The following CARMIL1 variants were observed in gnomAD, a reference collection of about 807,000 sequenced individuals.
The protein encoded by CARMIL1 is capping protein regulator and myosin 1 linker 1.
Under a neutral mutation model 177.1 loss-of-function variants are expected in CARMIL1, and 90 were observed. The ratio of observed to expected loss-of-function variants is 0.51; its 90% CI spans 0.43 to 0.61. CARMIL1 has a LOEUF of 0.61. CARMIL1 is among the 20% of genes least tolerant of loss of function. The pLI is 0.00. For synonymous variants in CARMIL1, 577 were observed against 606.2 expected, an observed-to-expected ratio of 0.95 and a Z score of 0.71; for missense variants, 1,380 against 1,667.0, an observed-to-expected ratio of 0.83 and a Z score of 3.00.
rs139889364 is a variant in CARMIL1, at chr6:25,487,924, C to T, written c.962-558C>T. Among the ~76,000 whole-genome samples, 5 of 152,248 alleles carry T rather than the reference C, an allele frequency of 3.3e-5. No individual in the cohort carries two copies. In the East Asian group the frequency reaches 9.6e-4, roughly 29 times the overall value. On this transcript the variant is annotated intron_variant, in intron 12 of 36. Transcript: ENST00000329474. Reference sequence around the variant, plus strand: ...AAGAGTGTATAGAGTGCTAATTATACATTTTTCCTTATGATTGCATCTTAC... The same window carrying T: ...AAGAGTGTATAGAGTGCTAATTATATATTTTTCCTTATGATTGCATCTTAC...
intron 2 of CARMIL1, among the ~76,000 whole-genome samples, chr6:25,350,143 G>A (rs150560961): frequency 9.9e-5 from 15 of 152,256 alleles, no homozygotes; most frequent in African/African-American, 2.9e-4. Flanking sequence ...AGAGAGCTGG[G>A]CAGGCATGGT....
intron 9 of CARMIL1, among the ~76,000 whole-genome samples, chr6:25,467,987 A>G (rs920262557): frequency 2.0e-5 from 3 of 152,300 alleles, no homozygotes; most frequent in South Asian, 4.1e-4. Flanking sequence ...AGAAAAGGAC[A>G]ATGTGAAGAA....
chr6:25,405,024 C>T (rs1794242535), intron 2 of CARMIL1, among the ~76,000 whole-genome samples: 1 of 130,350 alleles, frequency 7.7e-6, no homozygotes, highest in Non-Finnish European at 1.6e-5. Flanking sequence ...TGACTAAACC[C>T]GTCAACGTTT....
chr6:25,502,423 C>T (rs1048536715), intron 17 of CARMIL1, among the ~76,000 whole-genome samples: 5 of 151,576 alleles, frequency 3.3e-5, no homozygotes, highest in East Asian at 3.9e-4. Flanking sequence ...GGTGTGGTGG[C>T]GGGTGCCTGT....
chr6:25,289,466 C>G (rs1291342319), intron 2 of CARMIL1, among the ~76,000 whole-genome samples: 2 of 152,006 alleles, frequency 1.3e-5, no homozygotes, highest in Non-Finnish European at 2.9e-5. Context: ...ATCTTATGCC[C>G]TTTATTTAGT....
At chr6:25,285,551 G>A (rs1181415487) in intron 2 of CARMIL1, among the ~76,000 whole-genome samples, 1 of 152,134 alleles carries the variant, frequency 6.6e-6, no homozygotes, top group Non-Finnish European at 1.5e-5. Context: ...CCTTTAGAGA[G>A]GTGAAAACAT....
chr6:25,618,156 A>G (rs1306804697), intron 36 of CARMIL1, among the ~76,000 whole-genome samples: 1 of 152,132 alleles, frequency 6.6e-6, no homozygotes, highest in Non-Finnish European at 1.5e-5. Flanking sequence ...TATTGGCAGG[A>G]GAAGTACTCT....
chr6:25,491,008 T>C (rs189389578), intron 13 of CARMIL1, among the ~76,000 whole-genome samples: 23 of 152,336 alleles, frequency 1.5e-4, no homozygotes, highest in African/African-American at 5.1e-4. Context: ...ACTCAGCTTG[T>C]TATGGGTGGG....
At position 25,465,963 on chromosome 6, in the gene CARMIL1, A is replaced by T; in HGVS notation, c.690+15A>T. On this transcript the variant is annotated intron_variant, in intron 9 of 36. Transcript: ENST00000329474. ...ATCTAAAACTGGTAAGTAATCAAAC[A>T]TGCAGCAAATGTTGCTTGGCTTTGC... 6.3e-7 allele frequency: 1 copy of T among 1,574,938 alleles called. No individual in the cohort carries two copies. Among genetic ancestry groups the T allele is most frequent in the Non-Finnish European group, 8.7e-7 (1 of 1,146,568 alleles).
In CARMIL1 at chr6:25,537,961, G is replaced by T. The variant is rs74654931; in HGVS notation, c.2174G>T (p.Arg725Leu). The part of the protein sequence containing the change: ...EDLKSAERLM[R>L]DAKNSKTLLP... ...TTAAAATCAGCAGAGCGGCTCATGC[G>T]TGATGCTAAGAACTCTAAAACGGTG... is the stretch of plus-strand genomic sequence containing the variant. Residue 725 changes from arginine to leucine, a missense_variant, in exon 25 of 37, where the codon CGT (arginine) becomes CTT (leucine). By Grantham distance (102) the Arg-to-Leu change is moderately radical. Transcript: ENST00000329474. The T allele has an allele frequency of 1.2e-6, 2 of 1,603,098 alleles. No individual in the cohort carries two copies. Among genetic ancestry groups the T allele is most frequent in the Admixed American group, 1.7e-5 (1 of 58,464 alleles).
chr6:25,317,796 C>T (rs952537287), intron 2 of CARMIL1, among the ~76,000 whole-genome samples: 12 of 151,880 alleles, frequency 7.9e-5, no homozygotes, highest in Non-Finnish European at 1.6e-4. Context: ...AACTCCTGAC[C>T]TCAAGTCACC....
Position 25,556,847 on chromosome 6 carries a change from T to C in CARMIL1, c.2739T>C (p.Cys913=). 1 of 1,613,104 alleles carries C rather than the reference T, an allele frequency of 6.2e-7. No homozygotes were observed. Among genetic ancestry groups the C allele is most frequent in the Admixed American group, 1.7e-5 (1 of 59,930 alleles). ...EIERLEDLDT[C]MMTPKSKRKS... ...AGCGTTTGGAAGATCTGGATACCTGTATGGTAAGACACATCCTCTGGTGGT... is the reference window on the plus strand; with the variant it reads ...AGCGTTTGGAAGATCTGGATACCTGCATGGTAAGACACATCCTCTGGTGGT... Residue 913 remains cysteine (C), a synonymous_variant, in exon 29 of 37, where the codon TGT becomes TGC. Transcript: ENST00000329474.
At chr6:25,327,959 T>G (rs770767498) in intron 2 of CARMIL1, among the ~76,000 whole-genome samples, 20 of 152,166 alleles carry the variant, frequency 1.3e-4, no homozygotes, top group Non-Finnish European at 2.6e-4. Flanking sequence ...CATTGGGGCT[T>G]GGTGAGAGGA....
intron 32 of CARMIL1, among the ~76,000 whole-genome samples, chr6:25,595,598 C>T (rs927544225): frequency 1.3e-5 from 2 of 152,116 alleles, no homozygotes; most frequent in Admixed American, 6.5e-5. Flanking sequence ...TGGGACTGCT[C>T]CTCCCACCCC....
At chr6:25,339,014 A>G (rs1245775816) in intron 2 of CARMIL1, among the ~76,000 whole-genome samples, 1 of 141,202 alleles carries the variant, frequency 7.1e-6, no homozygotes, top group Non-Finnish European at 1.5e-5. Flanking sequence ...TGAAAAAAAT[A>G]TAGAATTTCC....
chr6:25,422,287 T>G (rs184012759), intron 3 of CARMIL1, among the ~76,000 whole-genome samples: 148 of 152,340 alleles, frequency 9.7e-4, no homozygotes, highest in Non-Finnish European at 1.7e-3. Context: ...TCTTAAAATT[T>G]AACATTTAGC....
chr6:25,367,775 C>T (rs747297763), intron 2 of CARMIL1, among the ~76,000 whole-genome samples: 10 of 152,150 alleles, frequency 6.6e-5, no homozygotes, highest in Non-Finnish European at 1.3e-4. Context: ...CTCCCCCAAA[C>T]CCCGACGGAG....
chr6:25,305,128 G>C (rs1783161311), intron 2 of CARMIL1, among the ~76,000 whole-genome samples: 1 of 152,140 alleles, frequency 6.6e-6, no homozygotes, highest in Admixed American at 6.5e-5. Context: ...GAAGACATTG[G>C]ACTTTGTTTG....
At chr6:25,563,163 A>G in intron 29 of CARMIL1, 1 of 931,104 alleles carries the variant, frequency 1.1e-6, no homozygotes, top group Admixed American at 6.2e-5. Context: ...AGTAAGTGAA[A>G]TAATTTCTCT....
Sources: gnomAD v4.1 joint callset for allele counts (sites outside exome capture counted in the v4.1 genomes callset) on GRCh38, gnomAD v4.1.1 for gene constraint, MANE v1.5 for transcripts, NCBI Gene and HGNC (gene_info 2026-07-23, HGNC 2026-07-21) for gene names.